The following TAOK1 variants were observed in gnomAD, a reference collection of about 807,000 sequenced individuals.
The protein encoded by TAOK1 is TAO kinase 1, also known as serine/threonine-protein kinase TAO1.
In TAOK1, 21 loss-of-function variants were observed where a neutral mutation model predicts 138.3. That is an observed-to-expected ratio of 0.15 (90% confidence interval 0.11 to 0.22). The LOEUF (loss-of-function observed/expected upper bound fraction) is 0.22. Ranked by LOEUF, TAOK1 falls within the 10% of genes least tolerant of loss-of-function variation. The pLI is 1.00. For synonymous variants in TAOK1, 361 were observed against 398.4 expected, an observed-to-expected ratio of 0.91 and a Z score of 1.12; for missense variants, 651 against 1,227.7, an observed-to-expected ratio of 0.53 and a Z score of 7.02.
intron 13 of TAOK1, among the ~76,000 whole-genome samples, chr17:29,504,441 G>A (rs1029129118): frequency 1.3e-5 from 2 of 151,732 alleles, no homozygotes; most frequent in African/African-American, 4.8e-5. Context: ...AGGCTGAGGC[G>A]GGTGGATCAC....
At chr17:29,445,249 C>T (rs951263879) in intron 1 of TAOK1, 3 of 152,316 alleles carry the variant, frequency 2.0e-5, no homozygotes, top group Admixed American at 1.3e-4. Flanking sequence ...AAGTGCTTAT[C>T]CTTTGAGTTG....
intron 17 of TAOK1, among the ~76,000 whole-genome samples, chr17:29,528,839 C>CAAAAAAAAAAAA (rs58073512): frequency 1.4e-5 from 1 of 69,404 alleles, no homozygotes; most frequent in Non-Finnish European, 2.5e-5. Flanking sequence ...GACTCCGTCT[C>CAAAAAAAAAAAA]AAAAAAAAAA....
intron 1 of TAOK1, among the ~76,000 whole-genome samples, chr17:29,393,091 A>T (rs911296344): frequency 6.6e-6 from 1 of 152,068 alleles, no homozygotes; most frequent in African/African-American, 2.4e-5. Flanking sequence ...TATTTATTTC[A>T]TGGGACAAAG....
At chr17:29,398,396 G>A (rs906843541) in intron 1 of TAOK1, among the ~76,000 whole-genome samples, 5 of 151,700 alleles carry the variant, frequency 3.3e-5, no homozygotes, top group Admixed American at 1.3e-4. Context: ...TAGTAGAGAC[G>A]GGGTTTCTCC....
chr17:29,408,369 G>A (rs575837579), intron 1 of TAOK1, among the ~76,000 whole-genome samples: 1 of 151,770 alleles, frequency 6.6e-6, no homozygotes, highest in Non-Finnish European at 1.5e-5. Flanking sequence ...GGGACTACAG[G>A]AGTGTGCCAC....
chr17:29,415,570 G>A (rs1395029286), intron 1 of TAOK1, among the ~76,000 whole-genome samples: 1 of 152,100 alleles, frequency 6.6e-6, no homozygotes, highest in East Asian at 1.9e-4. Flanking sequence ...TTGTAGTTTT[G>A]ATTTGCATTT....
intron 17 of TAOK1, 149 bp downstream of exon 17, chr17:29,522,668 A>G: frequency 7.9e-7 from 1 of 1,265,212 alleles, no homozygotes; most frequent in Non-Finnish European, 1.1e-6. Context: ...TTAATGTTAA[A>G]TGCCTGTTGC....
At chr17:29,418,277 G>A (rs1905317917) in intron 1 of TAOK1, among the ~76,000 whole-genome samples, 1 of 152,128 alleles carries the variant, frequency 6.6e-6, no homozygotes, top group Non-Finnish European at 1.5e-5. Context: ...TCAGACTCCT[G>A]GGCTCAAGTG....
intron 1 of TAOK1, among the ~76,000 whole-genome samples, chr17:29,439,738 A>G (rs953849177): frequency 2.0e-5 from 3 of 151,956 alleles, no homozygotes; most frequent in African/African-American, 4.8e-5. Context: ...TAAATAGTCC[A>G]TAATTACAGG....
intron 1 of TAOK1, among the ~76,000 whole-genome samples, chr17:29,391,944 C>T (rs569186165): frequency 6.6e-6 from 1 of 152,280 alleles, no homozygotes; most frequent in South Asian, 2.1e-4. Context: ...TGGCCTGGCG[C>T]GGTGGCTCAC....
At chr17:29,422,749 G>A (rs1905493183) in intron 1 of TAOK1, among the ~76,000 whole-genome samples, 1 of 152,098 alleles carries the variant, frequency 6.6e-6, no homozygotes, top group South Asian at 2.1e-4. Flanking sequence ...TTTGAGGATG[G>A]GCGTGCTACT....
intron 15 of TAOK1, chr17:29,514,997 T>TAAAAAAAAAAA (rs33933134): frequency 2.0e-5 from 2 of 101,984 alleles, no homozygotes; most frequent in Non-Finnish European, 3.8e-5. Context: ...AAATTCGATC[T>TAAAAAAAAAAA]AAAAAAAAAA....
At chr17:29,431,803 A>ATTTTTT (rs71360705) in intron 1 of TAOK1, among the ~76,000 whole-genome samples, 1 of 113,058 alleles carries the variant, frequency 8.8e-6, no homozygotes, top group Admixed American at 9.9e-5. Flanking sequence ...TGCCTGGCTA[A>ATTTTTT]TTTTTTTTTT....
chr17:29,523,881 A>G (rs2031963630), intron 17 of TAOK1, among the ~76,000 whole-genome samples: 1 of 152,204 alleles, frequency 6.6e-6, no homozygotes, highest in African/African-American at 2.4e-5. Flanking sequence ...TTTAAACTAT[A>G]AAATGGTTCT....
At chr17:29,509,485 A>G (rs1266238115) in intron 14 of TAOK1, among the ~76,000 whole-genome samples, 1 of 151,686 alleles carries the variant, frequency 6.6e-6, no homozygotes, top group African/African-American at 2.4e-5. Flanking sequence ...TATAGATGTG[A>G]GCCACCACAC....
At chr17:29,480,309 G>A (rs937595119) in intron 6 of TAOK1, 59 bp from the exon 7 acceptor site, 42 of 1,236,254 alleles carry the variant, frequency 3.4e-5, no homozygotes, top group Middle Eastern at 1.9e-4. Flanking sequence ...TATTTTTATC[G>A]TTTTAAACAT....
chr17:29,533,723 C>G (rs868212093), intron 18 of TAOK1, among the ~76,000 whole-genome samples: 1 of 145,686 alleles, frequency 6.9e-6, no homozygotes, highest in Non-Finnish European at 1.5e-5. Context: ...CGCCTGCAAT[C>G]GCAGGCACTC....
intron 17 of TAOK1, among the ~76,000 whole-genome samples, chr17:29,523,588 G>A (rs1437298514): frequency 2.6e-5 from 4 of 152,002 alleles, no homozygotes; most frequent in Non-Finnish European, 4.4e-5. Context: ...GGGGTTCACC[G>A]TGTTAGCCAG....
intron 17 of TAOK1, among the ~76,000 whole-genome samples, chr17:29,526,590 AT>A (rs758700877): frequency 6.6e-6 from 1 of 151,824 alleles, no homozygotes; most frequent in Non-Finnish European, 1.5e-5. Context: ...ATTTTTGTAT[AT>A]TTAGTAGAGA....
Sources: gnomAD v4.1 joint callset for allele counts (sites outside exome capture counted in the v4.1 genomes callset) on GRCh38, gnomAD v4.1.1 for gene constraint, MANE v1.5 for transcripts, NCBI Gene and HGNC (gene_info 2026-07-23, HGNC 2026-07-21) for gene names.